Variants in HIPK3 observed in about 807,000 individuals in gnomAD.
HIPK3 encodes the protein homeodomain-interacting protein kinase 3.
A neutral mutation model predicts 124.2 loss-of-function variants in HIPK3; 47 were observed. The ratio of observed to expected loss-of-function variants is 0.38; its 90% CI spans 0.30 to 0.48. HIPK3 has a LOEUF of 0.48. Ranked by LOEUF, HIPK3 falls within the 20% of genes least tolerant of loss-of-function variation. HIPK3 has a pLI of 0.98. For synonymous variants in HIPK3, 482 were observed against 515.2 expected (o/e 0.94, Z 0.87); for missense variants, 1,286 against 1,454.3 (o/e 0.88, Z 1.88).
intron 1 of HIPK3, among the ~76,000 whole-genome samples, chr11:33,264,061 C>T (rs1364889238): frequency 6.6e-6 from 1 of 152,160 alleles, no homozygotes; most frequent in Non-Finnish European, 1.5e-5. Flanking sequence ...CTATGTCTGT[C>T]ACACAGTCCT....
At chr11:33,273,870 A>G (rs1851204205) in intron 1 of HIPK3, among the ~76,000 whole-genome samples, 2 of 152,224 alleles carry the variant, frequency 1.3e-5, no homozygotes, top group South Asian at 4.1e-4. Context: ...TTAAATATTT[A>G]TCTTTTCAGC....
At chr11:33,287,603 C>T (rs1851592820) in intron 2 of HIPK3, 92 bp downstream of exon 2, 2 of 1,328,066 alleles carry the variant, frequency 1.5e-6, no homozygotes, top group Non-Finnish European at 1.0e-6. Flanking sequence ...TAGAAGAGAC[C>T]ACTTCAGTTA....
chr11:33,281,520 A>G, intron 1 of HIPK3, among the ~76,000 whole-genome samples: 1 of 152,204 alleles, frequency 6.6e-6, no homozygotes, highest in Non-Finnish European at 1.5e-5. Flanking sequence ...CTTTCTTGGA[A>G]CAGGTGATAC....
rs140211351 is a variant in HIPK3, at chr11:33,300,839, G to A, written c.1097+13328G>A. Among the ~76,000 whole-genome samples, 408 of 152,192 alleles carry A rather than the reference G, an allele frequency of 2.7e-3. 3 individuals carry two copies. The highest frequency in any genetic ancestry group is 9.3e-3 in the African/African-American group (386 of 41,538). ...AACCTCCACCCCGCCGGGCTCATAT[G>A]ACCCTCTCACCTCAGCCTCCTGAGT... On this transcript the variant is annotated intron_variant, in intron 2 of 16. Coordinates refer to ENST00000303296, the MANE Select transcript of HIPK3 (RefSeq NM_005734.5).
intron 3 of HIPK3, among the ~76,000 whole-genome samples, chr11:33,336,840 T>C (rs557141435): frequency 6.6e-6 from 1 of 152,346 alleles, no homozygotes; most frequent in South Asian, 2.1e-4. Context: ...TCTTCTAGAA[T>C]TTTACCTGAC....
rs1853528900 is a variant in HIPK3, at chr11:33,347,417, T to A, written c.2019+3T>A. On this transcript the variant is annotated splice_donor_region_variant and intron_variant, in intron 9 of 16. Transcript: ENST00000303296. ...TCCGACCAGGAGTTCTTTCTCAGGT[T>A]GGTAATAATTCATTCTTTGCCATAT... The A allele has an allele frequency of 3.1e-6, 5 of 1,613,246 alleles. No individual in the cohort carries two copies.
intron 1 of HIPK3, among the ~76,000 whole-genome samples, chr11:33,260,677 C>T (rs182832778): frequency 6.6e-5 from 10 of 152,274 alleles, no homozygotes; most frequent in Non-Finnish European, 1.3e-4. Context: ...TGGAACCTCA[C>T]ATTTAAGTTT....
chr11:33,260,658 A>C (rs1850796085), intron 1 of HIPK3, among the ~76,000 whole-genome samples: 1 of 152,220 alleles, frequency 6.6e-6, no homozygotes, highest in Non-Finnish European at 1.5e-5. Flanking sequence ...ATAAAAATGT[A>C]GTTCCCATTG....
intron 2 of HIPK3, among the ~76,000 whole-genome samples, chr11:33,326,819 G>A (rs545009777): frequency 1.3e-4 from 19 of 151,876 alleles, no homozygotes; most frequent in African/African-American, 4.3e-4. Context: ...CTACAGGTGC[G>A]GACCATCACC....
At chr11:33,319,927 T>TA (rs1852616436) in intron 2 of HIPK3, among the ~76,000 whole-genome samples, 4 of 152,238 alleles carry the variant, frequency 2.6e-5, no homozygotes, top group Admixed American at 2.6e-4. Context: ...GGTGAGGGTT[T>TA]ACTCTTCTAT....
At chr11:33,269,970 C>G (rs1851078703) in intron 1 of HIPK3, among the ~76,000 whole-genome samples, 1 of 151,758 alleles carries the variant, frequency 6.6e-6, no homozygotes. Flanking sequence ...GTGTGTATAC[C>G]TGTATATGGT....
At chr11:33,270,413 A>G (rs1377912128) in intron 1 of HIPK3, among the ~76,000 whole-genome samples, 1 of 152,048 alleles carries the variant, frequency 6.6e-6, no homozygotes, top group Non-Finnish European at 1.5e-5. Context: ...GGTTCAAGCA[A>G]TTCTCTTGCC....
chr11:33,288,230 A>G (rs1433402970), intron 2 of HIPK3, among the ~76,000 whole-genome samples: 1 of 152,174 alleles, frequency 6.6e-6, no homozygotes, highest in Non-Finnish European at 1.5e-5. Flanking sequence ...AGGCGGGTGG[A>G]TGACCTGAGG....
chr11:33,329,880 C>G (rs1852921741), intron 3 of HIPK3, among the ~76,000 whole-genome samples: 1 of 152,188 alleles, frequency 6.6e-6, no homozygotes, highest in South Asian at 2.1e-4. Context: ...ACACCCTTGG[C>G]TTTGTAGATT....
At chr11:33,271,120 A>T (rs984751053) in intron 1 of HIPK3, among the ~76,000 whole-genome samples, 1 of 152,336 alleles carries the variant, frequency 6.6e-6, no homozygotes, top group Non-Finnish European at 1.5e-5. Context: ...GGTAATTTTT[A>T]TTCACTCAAA....
At chr11:33,284,588 T>C (rs556005140) in intron 1 of HIPK3, among the ~76,000 whole-genome samples, 1 of 152,070 alleles carries the variant, frequency 6.6e-6, no homozygotes, top group Admixed American at 6.6e-5. Context: ...AGGCCAGGAG[T>C]TGGAGGCTGC....
intron 1 of HIPK3, among the ~76,000 whole-genome samples, chr11:33,265,187 A>G (rs937108844): frequency 6.6e-6 from 1 of 152,264 alleles, no homozygotes; most frequent in African/African-American, 2.4e-5. Flanking sequence ...TTATGCTGCT[A>G]TATAACCTAT....
Position 33,281,058 on chromosome 11 carries a change from C to CTTTTTTTTTTTT in HIPK3, c.-2-5337_-2-5326dup, listed in dbSNP as rs56902582. On this transcript the variant is annotated intron_variant, in intron 1 of 16. Coordinates refer to ENST00000303296, the MANE Select transcript of HIPK3 (RefSeq NM_005734.5). ...TTTATGTGTATATTTACTTATTTGA[C>CTTTTTTTTTTTT]TTTTTTTTTTTTTTTTTTTTTTTTT... Among the ~76,000 whole-genome samples the CTTTTTTTTTTTT allele has an allele frequency of 1.9e-4, 21 of 111,802 alleles. 4 individuals are homozygous for CTTTTTTTTTTTT. Among genetic ancestry groups the CTTTTTTTTTTTT allele is most frequent in the African/African-American group, 3.5e-4 (10 of 28,314 alleles). The allele number at this position is 111,802 out of a possible 152,430, so 73.3% of individuals were successfully genotyped here.
chr11:33,270,303 C>T (rs1851089338), intron 1 of HIPK3, among the ~76,000 whole-genome samples: 1 of 151,650 alleles, frequency 6.6e-6, no homozygotes, highest in African/African-American at 2.4e-5. Flanking sequence ...TGTTTGAAAC[C>T]TTATTTATTT....
Sources: allele counts gnomAD v4.1 joint callset (sites outside exome capture counted in the v4.1 genomes callset), GRCh38; gene constraint gnomAD v4.1.1; transcripts MANE v1.5; gene names NCBI Gene and HGNC (gene_info 2026-07-23, HGNC 2026-07-21).